CCSER2: variants seen among roughly 807,000 people sequenced by gnomAD.
CCSER2 encodes the protein serine-rich coiled-coil domain-containing protein 2.
In CCSER2, 46 loss-of-function variants were observed where a neutral mutation model predicts 92.3. The ratio of observed to expected loss-of-function variants is 0.50; its 90% confidence interval spans 0.39 to 0.64. The LOEUF (loss-of-function observed/expected upper bound fraction) is 0.64, where lower values mean the gene tolerates loss of function less well. Among genes scored for constraint, CCSER2 ranks in the 30% least tolerant of loss-of-function variants. The probability of loss-of-function intolerance (pLI) is 0.00; values close to 1 mark genes in which losing one functional copy is unlikely to be tolerated. For synonymous variants in CCSER2, 433 were observed against 431.4 expected, an observed-to-expected ratio of 1.00 and a Z score of -0.04; for missense variants, 1,244 against 1,238.9, an observed-to-expected ratio of 1.00 and a Z score of -0.06.
chr10:84,477,090 T>TA (rs1847192458), intron 8 of CCSER2, among the ~76,000 whole-genome samples: 1 of 152,200 alleles, frequency 6.6e-6, no homozygotes, highest in African/African-American at 2.4e-5. Context: ...TTTAGGGAAA[T>TA]ACTGTAAATT....
At chr10:84,460,344 T>C (rs1846035378) in intron 6 of CCSER2, among the ~76,000 whole-genome samples, 2 of 150,526 alleles carry the variant, frequency 1.3e-5, no homozygotes, top group African/African-American at 4.9e-5. Flanking sequence ...CCTCAGGTGA[T>C]CCCCCCCGTC....
intron 8 of CCSER2, among the ~76,000 whole-genome samples, chr10:84,476,817 T>C (rs1257522924): frequency 6.6e-6 from 1 of 152,202 alleles, no homozygotes; most frequent in East Asian, 1.9e-4. Context: ...TACTTTGTGT[T>C]ATATAAATGA....
intron 1 of CCSER2, among the ~76,000 whole-genome samples, chr10:84,343,073 A>G (rs1399762353): frequency 1.3e-5 from 2 of 152,100 alleles, no homozygotes; most frequent in African/African-American, 4.8e-5. Flanking sequence ...GGGGTTTACC[A>G]TGTTGGCCAG....
At chr10:84,501,204 C>T (rs1304579176) in intron 9 of CCSER2, among the ~76,000 whole-genome samples, 1 of 152,112 alleles carries the variant, frequency 6.6e-6, no homozygotes, top group Non-Finnish European at 1.5e-5. Context: ...AAGTTGCTTT[C>T]TTTTCTCCTC....
At chr10:84,448,961 A>G (rs1201876082) in intron 6 of CCSER2, among the ~76,000 whole-genome samples, 3 of 152,216 alleles carry the variant, frequency 2.0e-5, no homozygotes, top group East Asian at 1.9e-4. Context: ...ATGTACCACA[A>G]TTTGACTTTT....
At chr10:84,447,388 C>T (rs759226507) in intron 6 of CCSER2, among the ~76,000 whole-genome samples, 1 of 151,964 alleles carries the variant, frequency 6.6e-6, no homozygotes, top group Admixed American at 6.6e-5. Flanking sequence ...GTTTGTTGCC[C>T]GATCATATGT....
At chr10:84,339,836 CTTTTTTAT>C (rs772243022) in intron 1 of CCSER2, among the ~76,000 whole-genome samples, 88 of 147,772 alleles carry the variant, frequency 6.0e-4, no homozygotes, top group South Asian at 3.5e-3. Flanking sequence ...ATCACTTTAT[CTTTTTTAT>C]TTTTTTATTT....
Position 84,501,834 on chromosome 10 carries a change from AAT to A in CCSER2, c.2326-11591_2326-11590del, listed in dbSNP as rs1554868293. ...TTAGTCATCTAGGGAAAAAAAAAAA[AAT>A]ATATATATATATATATATATATACT... is the stretch of plus-strand genomic sequence containing the variant. On this transcript the variant is annotated intron_variant, in intron 9 of 9. Coordinates refer to ENST00000372088, the MANE Select transcript of CCSER2 (RefSeq NM_001284240.2). Among the ~76,000 whole-genome samples, 28 of 40,166 alleles carry A rather than the reference AAT, an allele frequency of 7.0e-4. 2 individuals are homozygous for A. Among genetic ancestry groups the A allele is most frequent in the East Asian group, 2.4e-3 (3 of 1,250 alleles). The allele number at this position is 40,166 out of a possible 152,430, so 26.4% of individuals were successfully genotyped here.
Position 84,514,412 on chromosome 10 carries a change from T to G in CCSER2, c.*145T>G, listed in dbSNP as rs1849525986. 7 of 628,670 alleles carry G rather than the reference T, an allele frequency of 1.1e-5. No individual in the cohort carries two copies. The highest frequency in any genetic ancestry group is 1.6e-5 in the Non-Finnish European group (6 of 369,696). 38.9% of individuals were successfully genotyped at this position (628,670 alleles called of 1,614,324 possible). On this transcript the variant is annotated 3_prime_UTR_variant, in exon 10 of 10. Coordinates refer to ENST00000372088, the MANE Select transcript of CCSER2 (RefSeq NM_001284240.2). ...ATTAAAATGTGGAAGCTTCTACTAG[T>G]TTGGCTCCTTCATTTTATATCCTGG...
chr10:84,465,982 C>T (rs1489527188), intron 7 of CCSER2, among the ~76,000 whole-genome samples: 1 of 152,202 alleles, frequency 6.6e-6, no homozygotes, highest in East Asian at 1.9e-4. Context: ...TTGTGATCCG[C>T]CCGCTTCGGC....
rs78294580 is a variant in CCSER2 at position 84,402,924 on chromosome 10, C to T, written c.1615-14847C>T. On this transcript the variant is annotated intron_variant, in intron 3 of 9. Transcript: ENST00000372088. ...ACTTAATGCAATTTTTTCATCAAAA[C>T]CCTGGAAATACTTTTTTGTAGATAT... Among the ~76,000 whole-genome samples, 269 of 152,204 alleles carry T rather than the reference C, an allele frequency of 1.8e-3. 1 individual carries two copies. The highest frequency in any genetic ancestry group is 6.2e-3 in the African/African-American group (259 of 41,534).
intron 3 of CCSER2, among the ~76,000 whole-genome samples, chr10:84,415,653 T>C (rs1842852985): frequency 6.6e-6 from 1 of 152,208 alleles, no homozygotes. Flanking sequence ...GGGACCTACT[T>C]AAAGAAGTAG....
intron 1 of CCSER2, among the ~76,000 whole-genome samples, chr10:84,356,728 A>G (rs979507743): frequency 1.6e-4 from 25 of 152,158 alleles, no homozygotes; most frequent in African/African-American, 5.1e-4. Context: ...AAAAAAATCA[A>G]TATCATGCAT....
intron 9 of CCSER2, among the ~76,000 whole-genome samples, chr10:84,504,382 T>C (rs1202426605): frequency 6.6e-6 from 1 of 152,006 alleles, no homozygotes; most frequent in African/African-American, 2.4e-5. Context: ...TATTGTTGAA[T>C]ATTAATAGAG....
intron 6 of CCSER2, among the ~76,000 whole-genome samples, chr10:84,451,505 T>G (rs1247959570): frequency 6.6e-6 from 1 of 152,158 alleles, no homozygotes; most frequent in African/African-American, 2.4e-5. Context: ...TAGGAAAACT[T>G]AGTTTCTTAT....
At chr10:84,365,661 G>T (rs1845740511) in intron 1 of CCSER2, among the ~76,000 whole-genome samples, 1 of 152,132 alleles carries the variant, frequency 6.6e-6, no homozygotes, top group Admixed American at 6.5e-5. Context: ...TCTCTTGTGG[G>T]CTCATCTTGT....
At chr10:84,385,893 T>C (rs1841176138) in intron 3 of CCSER2, among the ~76,000 whole-genome samples, 1 of 147,056 alleles carries the variant, frequency 6.8e-6, no homozygotes, top group Admixed American at 6.7e-5. Context: ...AGAAAAAAAA[T>C]GTATAACTCC....
intron 3 of CCSER2, among the ~76,000 whole-genome samples, chr10:84,375,876 C>A (rs1352015869): frequency 8.4e-6 from 1 of 119,226 alleles, no homozygotes. Flanking sequence ...TTTTTTTTTT[C>A]CTACAGTGGT....
chr10:84,350,092 G>A (rs1266270993), intron 1 of CCSER2, among the ~76,000 whole-genome samples: 2 of 152,220 alleles, frequency 1.3e-5, no homozygotes, highest in South Asian at 4.1e-4. Flanking sequence ...AGTGGAGGTT[G>A]CAGTGAGCCG....
Sources: allele counts gnomAD v4.1 joint callset (sites outside exome capture counted in the v4.1 genomes callset), GRCh38; gene constraint gnomAD v4.1.1; transcripts MANE v1.5; gene names NCBI Gene and HGNC (gene_info 2026-07-23, HGNC 2026-07-21).